The following HACE1 variants were observed in gnomAD, a reference collection of about 807,000 sequenced individuals.
HACE1 encodes the protein E3 ubiquitin-protein ligase HACE1.
Under a neutral mutation model 118.4 loss-of-function variants are expected in HACE1, and 73 were observed. That is an observed-to-expected ratio of 0.62 (90% CI 0.51 to 0.75). HACE1 has a LOEUF of 0.75. HACE1 is among the 30% of genes least tolerant of loss of function. The pLI is 0.00. For missense variants in HACE1, 749 were observed against 1,102.2 expected (o/e 0.68, Z 4.54); for synonymous variants, 368 against 374.8 (o/e 0.98, Z 0.21).
intron 1 of HACE1, among the ~76,000 whole-genome samples, chr6:104,855,057 T>A (rs188338379): frequency 7.9e-5 from 12 of 152,338 alleles, no homozygotes; most frequent in Admixed American, 5.2e-4. Flanking sequence ...TAGGTACTAT[T>A]ATCCTCATTT....
chr6:104,858,969 A>G (rs539421818), intron 1 of HACE1, among the ~76,000 whole-genome samples: 3 of 152,236 alleles, frequency 2.0e-5, no homozygotes, highest in South Asian at 4.2e-4. Flanking sequence ...CCCACTCAAT[A>G]CTAGTCTGAT....
intron 19 of HACE1, among the ~76,000 whole-genome samples, chr6:104,768,971 T>C (rs887233372): frequency 2.0e-5 from 3 of 152,102 alleles, no homozygotes; most frequent in African/African-American, 7.2e-5. Flanking sequence ...ACAAAAATCA[T>C]GTCATAGTAA....
At chr6:104,834,279 G>T (rs1774307193) in intron 5 of HACE1, among the ~76,000 whole-genome samples, 1 of 152,166 alleles carries the variant, frequency 6.6e-6, no homozygotes, top group East Asian at 1.9e-4. Context: ...TGGAGAAAAG[G>T]TGTTAGATAT....
chr6:104,845,814 GTTCCTTT>G (rs1366336858), intron 4 of HACE1: 17 of 152,170 alleles, frequency 1.1e-4, no homozygotes, highest in African/African-American at 3.6e-4. Context: ...CATTTACAAA[GTTCCTTT>G]ATCTAACACA....
chr6:104,845,013 G>A (rs1224814666), intron 4 of HACE1, among the ~76,000 whole-genome samples: 1 of 152,036 alleles, frequency 6.6e-6, no homozygotes, highest in Non-Finnish European at 1.5e-5. Flanking sequence ...ATAGTCCAGT[G>A]AGTAAACAGT....
chr6:104,820,200 A>G (rs1772559273), intron 6 of HACE1, among the ~76,000 whole-genome samples: 1 of 151,410 alleles, frequency 6.6e-6, no homozygotes, highest in African/African-American at 2.4e-5. Context: ...GTCTCAAAAA[A>G]AAAAAAAAAA....
chr6:104,750,612 G>T, intron 19 of HACE1, 140 bp from the exon 20 acceptor site: 2 of 800,388 alleles, frequency 2.5e-6, no homozygotes, highest in Non-Finnish European at 4.0e-6. Flanking sequence ...AAATCAGCAA[G>T]CCACTATTCA....
chr6:104,733,888 C>T (rs1488947191), intron 22 of HACE1, among the ~76,000 whole-genome samples: 2 of 151,218 alleles, frequency 1.3e-5, no homozygotes, highest in East Asian at 1.9e-4. Context: ...CACAGTGATT[C>T]GCGCCTGTAA....
At chr6:104,831,992 A>AAGAGAAGAGAAGAGAAGAGAAGAG (rs1562471497) in intron 6 of HACE1, among the ~76,000 whole-genome samples, 1 of 110,186 alleles carries the variant, frequency 9.1e-6, no homozygotes, top group East Asian at 2.8e-4. Context: ...GGAAGGAAGG[A>AAGAGAAGAGAAGAGAAGAGAAGAG]AGGAAGGAAG....
intron 5 of HACE1, among the ~76,000 whole-genome samples, chr6:104,834,731 C>G (rs1774353433): frequency 6.6e-6 from 1 of 152,140 alleles, no homozygotes; most frequent in South Asian, 2.1e-4. Context: ...GAATGCTACA[C>G]CAGTATTAGA....
chr6:104,737,224 G>A (rs567009444), intron 22 of HACE1, among the ~76,000 whole-genome samples: 8 of 148,510 alleles, frequency 5.4e-5, no homozygotes, highest in South Asian at 4.3e-4. Context: ...CCCAGGGGGC[G>A]GAGGTTGCAG....
Position 104,785,076 on chromosome 6 carries a change from C to A in HACE1, c.1318G>T (p.Asp440Tyr). ...GTCATAGAAATAACATCCTGACAAT[C>A]TGCACTGGCTTCCTGTCTCCCTGCA... ...ALAGRQEASA[D>Y]CQDVISMTAN... Residue 440 changes from aspartate (D) to tyrosine (Y), a missense_variant, in exon 12 of 24, where the codon GAT (aspartate) becomes TAT (tyrosine). Asp to Tyr is a radical substitution (Grantham distance 160, BLOSUM62 -3). This residue lies in a region of HACE1 where 267 missense variants were observed against 312.2 expected (regional missense o/e 0.86). Transcript: ENST00000262903. The A allele has an allele frequency of 6.2e-7, 1 of 1,613,856 alleles. No homozygotes were observed. The highest frequency in any genetic ancestry group is 8.5e-7 in the Non-Finnish European group (1 of 1,179,894).
At chr6:104,760,164 T>C (rs1032553056) in intron 19 of HACE1, among the ~76,000 whole-genome samples, 4 of 152,052 alleles carry the variant, frequency 2.6e-5, no homozygotes, top group Admixed American at 6.5e-5. Flanking sequence ...TTCCAATCAA[T>C]AGAAAAAGAG....
intron 1 of HACE1, chr6:104,858,474 C>A: frequency 2.5e-6 from 1 of 396,674 alleles, no homozygotes; most frequent in Admixed American, 3.0e-5. Context: ...GAGCAGGGTG[C>A]GGATCACTTG....
At chr6:104,784,843 C>G in intron 12 of HACE1, 142 bp downstream of exon 12, 1 of 655,536 alleles carries the variant, frequency 1.5e-6, no homozygotes, top group Non-Finnish European at 2.7e-6. Context: ...CCTACTAGAT[C>G]TAGATTAGTA....
At chr6:104,823,899 G>A (rs1220960055) in intron 6 of HACE1, among the ~76,000 whole-genome samples, 1 of 152,116 alleles carries the variant, frequency 6.6e-6, no homozygotes. Flanking sequence ...CAGACAACCT[G>A]AATCACAGTT....
At chr6:104,764,392 T>C (rs1001598976) in intron 19 of HACE1, among the ~76,000 whole-genome samples, 5 of 152,176 alleles carry the variant, frequency 3.3e-5, no homozygotes, top group East Asian at 1.9e-4. Flanking sequence ...CATTATTTTA[T>C]GTTTTAAGGT....
intron 10 of HACE1, among the ~76,000 whole-genome samples, chr6:104,794,918 GTA>G (rs1236867277): frequency 3.3e-5 from 5 of 151,598 alleles, no homozygotes; most frequent in African/African-American, 7.3e-5. Flanking sequence ...AAAAATAATT[GTA>G]TATATGTGTG....
chr6:104,784,929 A>T, intron 12 of HACE1, 56 bp downstream of exon 12: 1 of 1,052,298 alleles, frequency 9.5e-7, no homozygotes, highest in Non-Finnish European at 1.5e-6. Flanking sequence ...CAAAAGTATC[A>T]CTGCTTTTCA....
Sources: allele counts gnomAD v4.1 joint callset (sites outside exome capture counted in the v4.1 genomes callset), GRCh38; gene constraint gnomAD v4.1.1; regional missense constraint gnomAD v4.1.1; transcripts MANE v1.5; gene names NCBI Gene and HGNC (gene_info 2026-07-23, HGNC 2026-07-21).